Variants in CLOCK observed in about 807,000 individuals in gnomAD.
CLOCK encodes clock circadian regulator.
CLOCK carries 43 observed loss-of-function variants against 118.4 expected under a neutral mutation model. The observed-to-expected ratio is 0.36, with a 90% confidence interval of 0.28 to 0.47. CLOCK has a LOEUF of 0.47. Among genes scored for constraint, CLOCK ranks in the 20% least tolerant of loss-of-function variants. The probability of loss-of-function intolerance (pLI) is 1.00; values close to 1 mark genes in which losing one functional copy is unlikely to be tolerated. For synonymous variants in CLOCK, 326 were observed against 339.2 expected, an observed-to-expected ratio of 0.96 and a Z score of 0.43; for missense variants, 846 against 999.9, an observed-to-expected ratio of 0.85 and a Z score of 2.08.
chr4:55,464,031 G>A (rs1181111398), intron 8 of CLOCK, among the ~76,000 whole-genome samples: 1 of 152,188 alleles, frequency 6.6e-6, no homozygotes, highest in African/African-American at 2.4e-5. Context: ...TATTTGCAAA[G>A]CTGTGTTTCA....
intron 3 of CLOCK, among the ~76,000 whole-genome samples, chr4:55,483,698 GCA>G (rs1727093395): frequency 6.6e-6 from 1 of 152,174 alleles, no homozygotes; most frequent in African/African-American, 2.4e-5. Context: ...AAGAGGTTTA[GCA>G]TTTTCCTTAT....
At chr4:55,528,764 A>T (rs1730358319) in intron 1 of CLOCK, among the ~76,000 whole-genome samples, 1 of 152,240 alleles carries the variant, frequency 6.6e-6, no homozygotes, top group South Asian at 2.1e-4. Flanking sequence ...ACCTGTAGGT[A>T]CAAAAAGTGA....
Position 55,455,912 on chromosome 4 carries a change from T to C in CLOCK, c.967A>G (p.Lys323Glu). The change falls in exon 13 of 23, where the codon AAA (lysine) becomes GAA (glutamate). Residue 323 changes from lysine (K) to glutamate (E), a missense_variant. By Grantham distance (56) the Lys-to-Glu change is moderately conservative. Around this residue, in one of 4 missense-constraint regions of CLOCK, gnomAD observed 66 missense variants for 99.4 expected, o/e 0.66. Transcript: ENST00000513440. ...ATCTACTTACAGTGCTCATGACATT[T>C]TGCCAAATTTTCTAGGTCATCCACA... The part of the protein sequence containing the change: ...YHVDDLENLA[K>E]CHEHLMQYGK... 1 of 1,613,242 alleles carries C rather than the reference T, an allele frequency of 6.2e-7. No individual in the cohort carries two copies. Among genetic ancestry groups the C allele is most frequent in the Non-Finnish European group, 8.5e-7 (1 of 1,179,360 alleles).
In CLOCK at chr4:55,482,540, G is replaced by C. The variant is rs1239085780; in HGVS notation, c.47+199C>G. Among the ~76,000 whole-genome samples the C allele has an allele frequency of 2.0e-5, 3 of 152,244 alleles. No individual in the cohort carries two copies. In the East Asian group the frequency reaches 5.8e-4, roughly 29 times the overall value. On this transcript the variant is annotated intron_variant, in intron 4 of 22. Coordinates refer to ENST00000513440, the MANE Select transcript of CLOCK (RefSeq NM_004898.4). ...CTCATTTAAAACACACAAGCCATAT[G>C]CTGCTGACTTTGCCTCTGGAAAATA...
At chr4:55,471,989 T>C (rs1457895270) in intron 7 of CLOCK, among the ~76,000 whole-genome samples, 1 of 152,094 alleles carries the variant, frequency 6.6e-6, no homozygotes, top group African/African-American at 2.4e-5. Context: ...CGAGATCACT[T>C]GAGCCCAGGA....
At chr4:55,532,894 T>A (rs774160586) in intron 1 of CLOCK, among the ~76,000 whole-genome samples, 1 of 152,002 alleles carries the variant, frequency 6.6e-6, no homozygotes, top group African/African-American at 2.4e-5. Flanking sequence ...ATAAAAATAC[T>A]AGGAATAAAC....
At chr4:55,510,978 A>T (rs943031151) in intron 1 of CLOCK, among the ~76,000 whole-genome samples, 3 of 152,194 alleles carry the variant, frequency 2.0e-5, no homozygotes, top group Admixed American at 1.3e-4. Flanking sequence ...GCAATATACT[A>T]GCCATTCTGA....
rs531489973 is a variant in CLOCK at position 55,438,448 on chromosome 4, C to G, written c.2195G>C (p.Gly732Ala). 6.2e-7 allele frequency: 1 copy of G among 1,613,832 alleles called. No homozygotes were observed. Among genetic ancestry groups the G allele is most frequent in the Non-Finnish European group, 8.5e-7 (1 of 1,179,992 alleles). The change falls in exon 22 of 23, where the codon GGC becomes GCC. Residue 732 changes from glycine (G) to alanine (A), a missense_variant. Gly to Ala is a moderately conservative substitution (Grantham distance 60). Transcript: ENST00000513440. Reference sequence around the variant, plus strand: ...AGTAGGATATGCAGTCACCACCTGGCCCATAAGCATAGTACTAGGTACCAT... The same window carrying G: ...AGTAGGATATGCAGTCACCACCTGGGCCATAAGCATAGTACTAGGTACCAT... ...AVMVPSTMLM[G>A]QVVTAYPTFA...
intron 5 of CLOCK, among the ~76,000 whole-genome samples, chr4:55,479,238 T>C (rs1486388226): frequency 6.6e-6 from 1 of 152,160 alleles, no homozygotes; most frequent in Non-Finnish European, 1.5e-5. Flanking sequence ...TTTTATTCAA[T>C]CTAATACTTC....
At chr4:55,525,209 A>T (rs1382733417) in intron 1 of CLOCK, among the ~76,000 whole-genome samples, 1 of 152,208 alleles carries the variant, frequency 6.6e-6, no homozygotes, top group Non-Finnish European at 1.5e-5. Context: ...ACAGTGGTTC[A>T]TGTCTGTAAT....
rs924467663 is a variant in CLOCK at position 55,428,490 on chromosome 4, GACA to G, written c.*6922_*6924del. Reference sequence around the variant, plus strand: ...TATGCAATTCAGAATTTCGGCAGAAGACAACAAATGGAAAATGCCTTTCGTTTC... The same window carrying G: ...TATGCAATTCAGAATTTCGGCAGAAGACAAATGGAAAATGCCTTTCGTTTC... On this transcript the variant is annotated 3_prime_UTR_variant, in exon 23 of 23. Coordinates refer to ENST00000513440, the MANE Select transcript of CLOCK (RefSeq NM_004898.4). 7 of 152,192 alleles carry G rather than the reference GACA, an allele frequency of 4.6e-5. No individual in the cohort carries two copies. Among genetic ancestry groups the G allele is most frequent in the African/African-American group, 1.4e-4 (6 of 41,442 alleles). The allele number at this position is 152,192 out of a possible 1,614,324, so 9.4% of individuals were successfully genotyped here.
intron 8 of CLOCK, among the ~76,000 whole-genome samples, chr4:55,466,988 A>G (rs1427989721): frequency 1.3e-5 from 2 of 152,182 alleles, no homozygotes; most frequent in African/African-American, 4.8e-5. Flanking sequence ...GACACAAACA[A>G]TTTTTTAAAA....
chr4:55,471,198 T>C (rs982722537), intron 7 of CLOCK, among the ~76,000 whole-genome samples: 5 of 152,210 alleles, frequency 3.3e-5, no homozygotes, highest in Non-Finnish European at 5.9e-5. Context: ...TTTGTTATTA[T>C]CATGGATATG....
chr4:55,540,375 A>AGAGAGGAGGGGAGAGGAGGG, intron 1 of CLOCK: 1 of 131,828 alleles, frequency 7.6e-6, no homozygotes, highest in Admixed American at 7.7e-5. Flanking sequence ...ATTGGGGGCA[A>AGAGAGGAGGGGAGAGGAGGG]GAGAGGAGGG....
intron 6 of CLOCK, 52 bp downstream of exon 6, chr4:55,478,752 CTCTGCCAAGAT>C: frequency 6.6e-7 from 1 of 1,525,086 alleles, no homozygotes; most frequent in Non-Finnish European, 9.1e-7. Flanking sequence ...TCTTAAGCAT[CTCTGCCAAGAT>C]TCTAACTAAT....
chr4:55,542,547 TAAG>T (rs1305952174), intron 1 of CLOCK, among the ~76,000 whole-genome samples: 1 of 151,732 alleles, frequency 6.6e-6, no homozygotes, highest in Non-Finnish European at 1.5e-5. Flanking sequence ...TAAAAAGAAT[TAAG>T]GTTTGGTAAT....
chr4:55,479,715 TAGAG>T lies in CLOCK; in HGVS notation c.48-20_48-17del, dbSNP rs748056335. 56 of 1,608,902 alleles carry T rather than the reference TAGAG, an allele frequency of 3.5e-5. 1 individual carries two copies. The South Asian group carries it at 4.7e-4, about 14-fold the overall frequency. On this transcript the variant is annotated splice_polypyrimidine_tract_variant and intron_variant, in intron 4 of 22. Transcript: ENST00000513440. ...ACTGTCATCTCTAAAAGAAAGCGGA[TAGAG>T]AAAGTAAGAGCAGACTCACTAAGCA...
At position 55,444,598 on chromosome 4, in the gene CLOCK, G is replaced by T. The variant is rs761910591; in HGVS notation, c.1692+35C>A. 74 of 1,613,076 alleles carry T rather than the reference G, an allele frequency of 4.6e-5. 1 individual carries two copies. In the South Asian group the frequency reaches 8.1e-4, roughly 18 times the overall value. ...TTTCCTAGAAATCCAAAATGTGAAT[G>T]GGATGCTTTGTTTGTATTCAAATAT... On this transcript the variant is annotated intron_variant, in intron 19 of 22. Coordinates refer to ENST00000513440, the MANE Select transcript of CLOCK (RefSeq NM_004898.4).
Position 55,438,327 on chromosome 4 carries a change from T to C in CLOCK, c.2316A>G (p.Gln772=), listed in dbSNP as rs182492164. 3.7e-6 allele frequency: 6 copies of C among 1,614,122 alleles called. No individual in the cohort carries two copies. The African/African-American group carries it at 5.3e-5, about 14-fold the overall frequency. The change falls in exon 22 of 23, where the codon CAA becomes CAG. Residue 772 remains glutamine (Q), a synonymous_variant. Coordinates refer to ENST00000513440, the MANE Select transcript of CLOCK (RefSeq NM_004898.4). ...SQEQQLTSVQ[Q]PSQAQLTQPP... ...GCTGGGTCAGCTGAGCCTGAGATGG[T>C]TGCTGAACTGAAGTGAGCTGCTGCT...
Sources: gnomAD v4.1 joint callset for allele counts (sites outside exome capture counted in the v4.1 genomes callset) on GRCh38, gnomAD v4.1.1 for gene constraint, gnomAD v4.1.1 regional missense constraint, MANE v1.5 for transcripts, NCBI Gene and HGNC (gene_info 2026-07-23, HGNC 2026-07-21) for gene names.